Variants in OXLD1 observed in about 807,000 individuals in gnomAD.
OXLD1 encodes the protein oxidoreductase like domain containing 1.
OXLD1 carries 4 observed loss-of-function variants against 3.1 expected under a neutral mutation model. The observed-to-expected ratio is 1.28, with a 90% CI of 0.63 to 2.92. OXLD1 has a LOEUF of 2.92. OXLD1 is among the 30% of genes most tolerant of loss of function. The probability of loss-of-function intolerance (pLI) is 0.01; values close to 1 mark genes in which losing one functional copy is unlikely to be tolerated. For synonymous variants in OXLD1, 100 were observed against 87.0 expected (o/e 1.15, Z -0.83); for missense variants, 240 against 204.6 (o/e 1.17, Z -1.05).
Position 81,665,288 on chromosome 17 carries a change from C to A in OXLD1, c.357G>T (p.Leu119=). The change falls in exon 2 of 2, where the codon CTG becomes CTT. Residue 119 remains leucine (L), a synonymous_variant. Transcript: ENST00000374741. ...CAGCCACGTGCTCCTCCAGGGCAGC[C>A]AGGGCCCGCTCCCCACCGTCCTGGA... ...QHFQDGGERA[L]AALEEHVADE... is the part of the protein sequence containing the mutation. 6.2e-7 allele frequency: 1 copy of A among 1,613,576 alleles called. No individual in the cohort carries two copies. The highest frequency in any genetic ancestry group is 8.5e-7 in the Non-Finnish European group (1 of 1,180,014).
rs2036624368 is a variant in OXLD1 at position 81,666,482 on chromosome 17, C to CA, written c.60+35_60+36insT. 3 of 1,527,336 alleles carry CA rather than the reference C, an allele frequency of 2.0e-6. No homozygotes were observed. The East Asian group carries it at 7.6e-5, about 39-fold the overall frequency. The allele number at this position is 1,527,336 out of a possible 1,614,324, so 94.6% of individuals were successfully genotyped here. ...CCCGGACAGCGGCCTCTCGGACGTG[C>CA]CCTTCGGCGCTGCCAAGACCCGTCC... On this transcript the variant is annotated intron_variant, in intron 1 of 1. Coordinates refer to ENST00000374741, the MANE Select transcript of OXLD1 (RefSeq NM_001039842.3).
At chr17:81,665,664 T>G (rs2036594233) in intron 1 of OXLD1, 80 bp from the exon 2 acceptor site, 2 of 1,470,320 alleles carry the variant, frequency 1.4e-6, no homozygotes, top group Admixed American at 2.4e-5. Context: ...ACATTTCAGC[T>G]CTCCTGTCAT....
In OXLD1 at chr17:81,665,415, T is replaced by C. The variant is rs755654675; in HGVS notation, c.230A>G (p.Lys77Arg). The C allele has an allele frequency of 6.2e-7, 1 of 1,613,512 alleles. No individual in the cohort carries two copies. Among genetic ancestry groups the C allele is most frequent in the South Asian group, 1.1e-5 (1 of 91,074 alleles). ...CTGGAGCTCAGGTGGCAGCGATGCCTTGGGCGGCCTGGTGCCGTCCGCACC... is the reference window on the plus strand; with the variant it reads ...CTGGAGCTCAGGTGGCAGCGATGCCCTGGGCGGCCTGGTGCCGTCCGCACC... ...QAGADGTRPP[K>R]ASLPPELQPP... Residue 77 changes from lysine to arginine, a missense_variant, in exon 2 of 2, where the codon AAG becomes AGG. By Grantham distance (26) the Lys-to-Arg change is conservative. Coordinates refer to ENST00000374741, the MANE Select transcript of OXLD1 (RefSeq NM_001039842.3).
At chr17:81,666,236 G>A (rs1433789042) in intron 1 of OXLD1, 3 of 487,828 alleles carry the variant, frequency 6.1e-6, no homozygotes, top group African/African-American at 2.0e-5. Flanking sequence ...TCGCACACAG[G>A]CGCTCGGCAG....
At chr17:81,665,853 G>A (rs909772707) in intron 1 of OXLD1, 1 of 492,220 alleles carries the variant, frequency 2.0e-6, no homozygotes, top group Non-Finnish European at 3.6e-6. Flanking sequence ...AGCACATGGT[G>A]GGGGGTGGGG....
intron 1 of OXLD1, 69 bp downstream of exon 1, chr17:81,666,449 T>C: frequency 6.7e-7 from 1 of 1,501,798 alleles, no homozygotes; most frequent in Non-Finnish European, 8.9e-7. Flanking sequence ...TCCCGGTACG[T>C]GCGGGCCCCC....
At position 81,665,576 on chromosome 17, in the gene OXLD1, G is replaced by A. The variant is rs2036591471; in HGVS notation, c.69C>T (p.Arg23=). ...VAAAVRGSGA[R]RFSSPDCCQR... ...GGCAGCAGTCCGGGCTGGAGAACCG[G>A]CGAGCCCCCTGAGGATGCAGACAAA... Residue 23 remains arginine, a synonymous_variant, in exon 2 of 2, where the codon CGC becomes CGT. Transcript: ENST00000374741. 6.3e-7 allele frequency: 1 copy of A among 1,587,130 alleles called. No individual in the cohort carries two copies. The highest frequency in any genetic ancestry group is 1.3e-5 in the African/African-American group (1 of 74,336).
intron 1 of OXLD1, 158 bp downstream of exon 1, chr17:81,666,360 G>A: frequency 1.3e-6 from 1 of 799,430 alleles, no homozygotes; most frequent in Non-Finnish European, 1.9e-6. Flanking sequence ...GAGGAGAGGA[G>A]CGAGGGGTCC....
chr17:81,666,457 C>A (rs2036622745), intron 1 of OXLD1, 61 bp downstream of exon 1: 18 of 1,513,932 alleles, frequency 1.2e-5, no homozygotes, highest in Non-Finnish European at 1.5e-5. Context: ...CGTGCGGGCC[C>A]CCGGACAGCG....
In OXLD1 at chr17:81,665,400, G is replaced by C. The variant is rs753168478; in HGVS notation, c.245C>G (p.Pro82Arg). 1.9e-6 allele frequency: 3 copies of C among 1,613,458 alleles called. No individual in the cohort carries two copies. Among genetic ancestry groups the C allele is most frequent in the African/African-American group, 2.7e-5 (2 of 74,950 alleles). ...GTRPPKASLP[P>R]ELQPPTNCCM... ...GCAGTTTGTGGGCGGCTGGAGCTCA[G>C]GTGGCAGCGATGCCTTGGGCGGCCT... is the stretch of plus-strand genomic sequence containing the variant. The change falls in exon 2 of 2, where the codon CCT becomes CGT. Residue 82 changes from proline (P) to arginine (R), a missense_variant. Coordinates refer to ENST00000374741, the MANE Select transcript of OXLD1 (RefSeq NM_001039842.3).
intron 1 of OXLD1, 69 bp from the exon 2 acceptor site, chr17:81,665,653 G>A (rs1367933543): frequency 2.0e-6 from 3 of 1,493,260 alleles, no homozygotes; most frequent in East Asian, 2.3e-5. Flanking sequence ...CAGCAGTGAG[G>A]ACATTTCAGC....
At chr17:81,665,927 C>T (rs2036603371) in intron 1 of OXLD1, 1 of 395,438 alleles carries the variant, frequency 2.5e-6, no homozygotes. Flanking sequence ...AGAGGTGTAA[C>T]CCTGTAAGCT....
chr17:81,665,393 G>C lies in OXLD1; in HGVS notation c.252C>G (p.Leu84=), dbSNP rs765502946. 6.2e-7 allele frequency: 1 copy of C among 1,613,458 alleles called. No individual in the cohort carries two copies. Among genetic ancestry groups the C allele is most frequent in the African/African-American group, 1.3e-5 (1 of 74,938 alleles). The change falls in exon 2 of 2, where the codon CTC becomes CTG. Residue 84 remains leucine (L), a synonymous_variant. Transcript: ENST00000374741. ...TCATGCAGCAGTTTGTGGGCGGCTG[G>C]AGCTCAGGTGGCAGCGATGCCTTGG... ...RPPKASLPPE[L]QPPTNCCMSG...
At chr17:81,665,936 C>T in intron 1 of OXLD1, 1 of 382,086 alleles carries the variant, frequency 2.6e-6, no homozygotes, top group South Asian at 5.8e-5. Flanking sequence ...ACCCTGTAAG[C>T]TCCTGGCCAG....
rs752985998 is a variant in OXLD1 at position 81,665,472 on chromosome 17, C to T, written c.173G>A (p.Gly58Glu). The T allele has an allele frequency of 3.7e-6, 6 of 1,613,218 alleles. No individual in the cohort carries two copies. The Admixed American group carries it at 8.3e-5, about 22-fold the overall frequency. Residue 58 changes from glycine to glutamate, a missense_variant, in exon 2 of 2, where the codon GGG becomes GAG. Transcript: ENST00000374741. ...GGAGCCCACCTCTACGTGGTCTGTC[C>T]CGAATTTTCTGCGCCCATCAGGGGC... ...AQAPDGRRKF[G>E]TDHVEVGSQA... is the part of the protein sequence containing the mutation.
intron 1 of OXLD1, 100 bp downstream of exon 1, chr17:81,666,417 CG>C (rs1224980739): frequency 2.2e-6 from 3 of 1,379,954 alleles, no homozygotes; most frequent in Non-Finnish European, 2.9e-6. Context: ...TCCCCACATG[CG>C]GGTGGAGGGG....
At position 81,665,486 on chromosome 17, in the gene OXLD1, C is replaced by T. The variant is rs1232546899; in HGVS notation, c.159G>A (p.Gly53=). 6.2e-7 allele frequency: 1 copy of T among 1,613,168 alleles called. No individual in the cohort carries two copies. The highest frequency in any genetic ancestry group is 1.3e-5 in the African/African-American group (1 of 74,918). Reference sequence around the variant, plus strand: ...CGTGGTCTGTCCCGAATTTTCTGCGCCCATCAGGGGCTTGCGCTCCGGGAT... The same window carrying T: ...CGTGGTCTGTCCCGAATTTTCTGCGTCCATCAGGGGCTTGCGCTCCGGGAT... ...RHHPGAQAPD[G]RRKFGTDHVE... is the part of the protein sequence containing the mutation. Residue 53 remains glycine (G), a synonymous_variant, in exon 2 of 2, where the codon GGG becomes GGA. Transcript: ENST00000374741.
rs1184948963 is a variant in OXLD1 at position 81,666,546 on chromosome 17, C to T, written c.32G>A (p.Arg11Gln). MLLRRVVEGG[R>Q]AVAAAVRGSG... ...GCCACGGACCGCGGCGGCTACCGCCCGGCCTCCCTCGACCACCCTCCGCAG... is the reference window on the plus strand; with the variant it reads ...GCCACGGACCGCGGCGGCTACCGCCTGGCCTCCCTCGACCACCCTCCGCAG... Residue 11 changes from arginine (R) to glutamine (Q), a missense_variant, in exon 1 of 2, where the codon CGG (arginine) becomes CAG (glutamine). Physicochemically the swap from Arg to Gln is conservative, Grantham distance 43. Transcript: ENST00000374741. 1 of 1,516,106 alleles carries T rather than the reference C, an allele frequency of 6.6e-7. No individual in the cohort carries two copies. The allele number at this position is 1,516,106 out of a possible 1,614,324, so 93.9% of individuals were successfully genotyped here.
Position 81,665,169 on chromosome 17 carries a change from C to T in OXLD1, c.*32G>A, listed in dbSNP as rs2036571267. 8 of 1,570,362 alleles carry T rather than the reference C, an allele frequency of 5.1e-6. No homozygotes were observed. The highest frequency in any genetic ancestry group is 3.5e-5 in the Admixed American group (2 of 56,436). On this transcript the variant is annotated 3_prime_UTR_variant, in exon 2 of 2. Transcript: ENST00000374741. The stretch of plus-strand genomic sequence containing the variant: ...GAGGCTGCGGCTGCGTCCTGGACTC[C>T]GTCCTGCGGTAGGGAGTCCAGCAGG...
Sources: gnomAD v4.1 joint callset for allele counts on GRCh38, gnomAD v4.1.1 for gene constraint, MANE v1.5 for transcripts, NCBI Gene and HGNC (gene_info 2026-07-23, HGNC 2026-07-21) for gene names.